The following THSD7B variants were observed in gnomAD, a reference collection of about 807,000 sequenced individuals.
The protein encoded by THSD7B is thrombospondin type-1 domain-containing protein 7B.
Under a neutral mutation model 213.6 loss-of-function variants are expected in THSD7B, and 138 were observed. The ratio of observed to expected loss-of-function variants is 0.65; its 90% CI spans 0.56 to 0.74. The LOEUF is 0.74. Among genes scored for constraint, THSD7B ranks in the 30% least tolerant of loss-of-function variants. THSD7B has a pLI of 0.00. For missense variants in THSD7B, 1,931 were observed against 1,991.5 expected (o/e 0.97, Z 0.58); for synonymous variants, 742 against 687.0 (o/e 1.08, Z -1.25).
intron 15 of THSD7B, among the ~76,000 whole-genome samples, chr2:137,559,053 T>C (rs373989073): frequency 6.6e-6 from 1 of 151,968 alleles, no homozygotes; most frequent in South Asian, 2.1e-4. Context: ...CACTGCTCAA[T>C]GAAATGAAAG....
At chr2:137,294,001 A>G (rs1683397661) in intron 12 of THSD7B, among the ~76,000 whole-genome samples, 1 of 151,948 alleles carries the variant, frequency 6.6e-6, no homozygotes, top group Non-Finnish European at 1.5e-5. Flanking sequence ...TACCTAATTC[A>G]CCTTTACACT....
chr2:137,418,989 C>A (rs1409723795), intron 14 of THSD7B, among the ~76,000 whole-genome samples: 11 of 151,800 alleles, frequency 7.2e-5, no homozygotes, highest in Admixed American at 7.2e-4. Context: ...CTCACTGCAA[C>A]CACTGTCTCC....
chr2:137,075,853 C>G (rs1687609583), intron 3 of THSD7B, among the ~76,000 whole-genome samples: 1 of 152,172 alleles, frequency 6.6e-6, no homozygotes, highest in Non-Finnish European at 1.5e-5. Context: ...GAGGTCCACT[C>G]CAGACACTGT....
At chr2:137,584,649 T>C (rs1173914537) in intron 17 of THSD7B, among the ~76,000 whole-genome samples, 2 of 152,172 alleles carry the variant, frequency 1.3e-5, no homozygotes, top group Non-Finnish European at 2.9e-5. Context: ...TATTGATTTG[T>C]GTATGTTGAA....
At chr2:137,040,399 C>CTT (rs56018211) in intron 2 of THSD7B, among the ~76,000 whole-genome samples, 18 of 142,630 alleles carry the variant, frequency 1.3e-4, no homozygotes, top group South Asian at 2.2e-4. Flanking sequence ...TCTTCCTCTT[C>CTT]TTTTTTTTTT....
At chr2:137,439,615 G>A (rs1687360091) in intron 14 of THSD7B, among the ~76,000 whole-genome samples, 1 of 152,050 alleles carries the variant, frequency 6.6e-6, no homozygotes, top group Non-Finnish European at 1.5e-5. Flanking sequence ...CCAGAGAGCT[G>A]TGTAAATCAA....
At chr2:136,975,830 T>A (rs867824022) in intron 2 of THSD7B, among the ~76,000 whole-genome samples, 2 of 152,186 alleles carry the variant, frequency 1.3e-5, no homozygotes, top group Non-Finnish European at 2.9e-5. Flanking sequence ...ATAAAATGCT[T>A]TTTCATTTGT....
At chr2:137,359,432 T>A (rs1317488524) in intron 12 of THSD7B, among the ~76,000 whole-genome samples, 1 of 151,814 alleles carries the variant, frequency 6.6e-6, no homozygotes, top group Non-Finnish European at 1.5e-5. Context: ...GACATCAGAG[T>A]AGAGGAAGAG....
chr2:137,469,464 T>C (rs1204141183), intron 15 of THSD7B, among the ~76,000 whole-genome samples: 1 of 152,204 alleles, frequency 6.6e-6, no homozygotes, highest in Non-Finnish European at 1.5e-5. Flanking sequence ...TGAGCATTTT[T>C]AGTTTTTATA....
At chr2:137,230,421 G>T (rs34890878) in intron 7 of THSD7B, among the ~76,000 whole-genome samples, 1 of 152,106 alleles carries the variant, frequency 6.6e-6, no homozygotes, top group African/African-American at 2.4e-5. Context: ...GTTTAGCAAT[G>T]CATTAGATTA....
intron 17 of THSD7B, among the ~76,000 whole-genome samples, chr2:137,589,211 A>G (rs923060874): frequency 6.6e-6 from 1 of 152,174 alleles, no homozygotes. Context: ...TTGAACTTTG[A>G]CATTTTTGTC....
At position 137,438,109 on chromosome 2, in the gene THSD7B, C is replaced by G. The variant is rs911950957; in HGVS notation, c.2960-12736C>G. Among the ~76,000 whole-genome samples, 14 of 152,228 alleles carry G rather than the reference C, an allele frequency of 9.2e-5. No homozygotes were observed. In the East Asian group the frequency reaches 2.7e-3, roughly 29 times the overall value. ...AACCTCTTGTTCCAGACCATCTGATCTACAGAGCAATTTGAAGTACTTTCA... is the reference window on the plus strand; with the variant it reads ...AACCTCTTGTTCCAGACCATCTGATGTACAGAGCAATTTGAAGTACTTTCA... On this transcript the variant is annotated intron_variant, in intron 14 of 27. Transcript: ENST00000409968.
Position 137,412,823 on chromosome 2 carries a change from T to C in THSD7B, c.2959+951T>C, listed in dbSNP as rs1686698573. 2.0e-5 allele frequency among the ~76,000 whole-genome samples: 3 copies of C among 150,264 alleles called. 1 individual carries two copies. The South Asian group carries it at 6.3e-4, about 31-fold the overall frequency. ...AGGTTAAATACAGCTGGGGTGAAAA[T>C]TGGTGAAACAGGCTGAAACCAATCA... On this transcript the variant is annotated intron_variant, in intron 14 of 27. Transcript: ENST00000409968.
At chr2:137,560,552 G>T (rs1463429517) in intron 15 of THSD7B, among the ~76,000 whole-genome samples, 2 of 152,052 alleles carry the variant, frequency 1.3e-5, no homozygotes, top group Non-Finnish European at 2.9e-5. Context: ...TCACACACCG[G>T]GGCCTGTTGT....
chr2:137,551,388 C>T (rs1165398405), intron 15 of THSD7B, among the ~76,000 whole-genome samples: 1 of 152,124 alleles, frequency 6.6e-6, no homozygotes, highest in African/African-American at 2.4e-5. Context: ...TTTCATTAAT[C>T]ACAATGGTGC....
chr2:137,176,939 CAG>C (rs74661116), intron 7 of THSD7B, among the ~76,000 whole-genome samples: 9,462 of 152,208 alleles, frequency 0.062, 531 homozygotes, highest in East Asian at 0.35. Flanking sequence ...ATCTTTGTCA[CAG>C]AGTTTCATTA....
chr2:137,466,863 T>C (rs1573642086), intron 15 of THSD7B, among the ~76,000 whole-genome samples: 2 of 152,234 alleles, frequency 1.3e-5, no homozygotes, highest in East Asian at 1.9e-4. Flanking sequence ...GAGCTTCTTT[T>C]CATCTCTGTC....
At chr2:137,462,238 A>G (rs1687899564) in intron 15 of THSD7B, among the ~76,000 whole-genome samples, 1 of 151,876 alleles carries the variant, frequency 6.6e-6, no homozygotes, top group Non-Finnish European at 1.5e-5. Context: ...GTCACTTAGT[A>G]GTCCTCTTGG....
intron 7 of THSD7B, among the ~76,000 whole-genome samples, chr2:137,223,951 C>A (rs544999703): frequency 6.6e-6 from 1 of 152,294 alleles, no homozygotes; most frequent in African/African-American, 2.4e-5. Flanking sequence ...GCTCCCCCTT[C>A]TGCCAATGAT....
Sources: gnomAD v4.1 joint callset for allele counts (sites outside exome capture counted in the v4.1 genomes callset) on GRCh38, gnomAD v4.1.1 for gene constraint, MANE v1.5 for transcripts, NCBI Gene and HGNC (gene_info 2026-07-23, HGNC 2026-07-21) for gene names.